CAPSL: variants seen among roughly 807,000 people sequenced by gnomAD.
CAPSL encodes calcyphosine like, also known as calcyphosin-like protein.
Under a neutral mutation model 21.3 loss-of-function variants are expected in CAPSL, and 17 were observed. The observed-to-expected ratio is 0.80, with a 90% confidence interval of 0.55 to 1.20. The LOEUF (loss-of-function observed/expected upper bound fraction) is 1.20, where lower values mean the gene tolerates loss of function less well. CAPSL is among the 50% of genes most tolerant of loss of function. CAPSL has a pLI of 0.00. For synonymous variants in CAPSL, 102 were observed against 89.3 expected (o/e 1.14, Z -0.80); for missense variants, 289 against 259.3 (o/e 1.11, Z -0.79).
chr5:35,920,979 C>A lies in CAPSL; in HGVS notation c.137+5G>T, dbSNP rs780613084. 1 of 1,613,494 alleles carries A rather than the reference C, an allele frequency of 6.2e-7. No individual in the cohort carries two copies. The highest frequency in any genetic ancestry group is 1.1e-5 in the South Asian group (1 of 91,018). On this transcript the variant is annotated splice_donor_5th_base_variant and intron_variant, in intron 2 of 4. Transcript: ENST00000651391. ...CATTCCCTGCCACTTGTAGCTGGGT[C>A]CTACCTGCCAAGTCCTTTGATCCCA...
intron 4 of CAPSL, among the ~76,000 whole-genome samples, chr5:35,907,930 A>G (rs1760715954): frequency 1.3e-5 from 2 of 152,238 alleles, no homozygotes; most frequent in Admixed American, 6.5e-5. Flanking sequence ...TTTCTTGTGC[A>G]TTTAAAATAC....
rs537048767 is a variant in CAPSL, at chr5:35,904,468, G to A, written c.*77C>T. 2.3e-5 allele frequency: 24 copies of A among 1,062,356 alleles called. No individual in the cohort carries two copies. The highest frequency in any genetic ancestry group is 1.4e-4 in the South Asian group (10 of 72,896). 65.8% of individuals were successfully genotyped at this position (1,062,356 alleles called of 1,614,324 possible). ...TTAGGATGAGTGTGAAATCAAATAC[G>A]ATTCTGGTTTTTGAGCTGACATTTA... On this transcript the variant is annotated 3_prime_UTR_variant, in exon 5 of 5. Coordinates refer to ENST00000651391, the MANE Select transcript of CAPSL (RefSeq NM_001042625.2).
chr5:35,926,075 C>CAA (rs34711454), intron 1 of CAPSL, among the ~76,000 whole-genome samples: 21 of 102,866 alleles, frequency 2.0e-4, no homozygotes, highest in East Asian at 1.9e-3. Context: ...GACTCCGTCT[C>CAA]AAAAAAAAAA....
At chr5:35,932,760 G>A (rs1377841925) in intron 1 of CAPSL, among the ~76,000 whole-genome samples, 1 of 152,156 alleles carries the variant, frequency 6.6e-6, no homozygotes, top group East Asian at 1.9e-4. Flanking sequence ...GGAGCAACCG[G>A]ATCACTCTGA....
chr5:35,927,207 C>T (rs75159651), intron 1 of CAPSL, among the ~76,000 whole-genome samples: 4,865 of 152,270 alleles, frequency 0.032, 140 homozygotes, highest in Non-Finnish European at 0.047. Context: ...TTGAGGAAGT[C>T]CTGCAGGTCC....
rs141593491 is a variant in CAPSL, at chr5:35,910,672, A to G, written c.138-129T>C. 778 of 655,438 alleles carry G rather than the reference A, an allele frequency of 1.2e-3. 11 individuals carry two copies. The East Asian group carries it at 0.02, about 17-fold the overall frequency. 40.6% of individuals were successfully genotyped at this position (655,438 alleles called of 1,614,324 possible). ...ACAAAAGTCTTAAATTCTTCTCTGC[A>G]CCCTCCTTTCCAAAACTGGAGAGCC... On this transcript the variant is annotated intron_variant, in intron 2 of 4. Transcript: ENST00000651391.
intron 2 of CAPSL, among the ~76,000 whole-genome samples, chr5:35,915,171 A>C (rs1738340208): frequency 6.6e-6 from 1 of 152,228 alleles, no homozygotes; most frequent in African/African-American, 2.4e-5. Flanking sequence ...AAGAAGTTGA[A>C]TCTCTGAATA....
intron 2 of CAPSL, among the ~76,000 whole-genome samples, chr5:35,915,327 A>G (rs1738348612): frequency 6.6e-6 from 1 of 152,238 alleles, no homozygotes; most frequent in African/African-American, 2.4e-5. Context: ...TCCAGTCAAT[A>G]GAAAAAGAGG....
intron 1 of CAPSL, among the ~76,000 whole-genome samples, chr5:35,924,827 C>G (rs569155122): frequency 2.6e-5 from 4 of 152,266 alleles, no homozygotes; most frequent in African/African-American, 9.6e-5. Context: ...AGCACCGGGG[C>G]TTTTAAGGAA....
intron 2 of CAPSL, among the ~76,000 whole-genome samples, chr5:35,915,840 A>G (rs1322409135): frequency 1.3e-5 from 2 of 152,184 alleles, no homozygotes; most frequent in African/African-American, 4.8e-5. Context: ...CCTATTCAAC[A>G]TAGTGTTGGA....
chr5:35,915,838 A>G (rs1011394298), intron 2 of CAPSL, among the ~76,000 whole-genome samples: 6 of 152,216 alleles, frequency 3.9e-5, no homozygotes, highest in Non-Finnish European at 5.9e-5. Context: ...CTCCTATTCA[A>G]CATAGTGTTG....
chr5:35,926,252 T>C (rs1381768829), intron 1 of CAPSL, among the ~76,000 whole-genome samples: 1 of 152,064 alleles, frequency 6.6e-6, no homozygotes, highest in East Asian at 1.9e-4. Flanking sequence ...TGGCAGAACG[T>C]GCAGTTTGAG....
chr5:35,911,891 A>G (rs1738233045), intron 2 of CAPSL, among the ~76,000 whole-genome samples: 1 of 152,110 alleles, frequency 6.6e-6, no homozygotes, highest in South Asian at 2.1e-4. Context: ...CACACCAAGC[A>G]TGAGCTGAAG....
rs1439741462 is a variant in CAPSL, at chr5:35,914,337, C to G, written c.138-3794G>C. Among the ~76,000 whole-genome samples the G allele has an allele frequency of 7.2e-5, 11 of 152,148 alleles. No homozygotes were observed. In the South Asian group the frequency reaches 2.3e-3, roughly 32 times the overall value. ...TTAACAAAGATATCCAGGAATTGAA[C>G]TAAGTTCTGCACCAAGCGGACCTAA... On this transcript the variant is annotated intron_variant, in intron 2 of 4. Coordinates refer to ENST00000651391, the MANE Select transcript of CAPSL (RefSeq NM_001042625.2).
At chr5:35,920,963 C>A (rs369193922) in intron 2 of CAPSL, 21 bp downstream of exon 2, 12 of 1,611,422 alleles carry the variant, frequency 7.4e-6, no homozygotes, top group Middle Eastern at 1.7e-4. Context: ...CCATTCCCTG[C>A]CACTTGTAGC....
chr5:35,909,968 A>G lies in CAPSL; in HGVS notation c.423T>C (p.Asn141=). 1 of 1,613,900 alleles carries G rather than the reference A, an allele frequency of 6.2e-7. No homozygotes were observed. Among genetic ancestry groups the G allele is most frequent in the East Asian group, 2.2e-5 (1 of 44,868 alleles). The change falls in exon 4 of 5, where the codon AAT becomes AAC. Residue 141 remains asparagine, a synonymous_variant. Transcript: ENST00000651391. ...ITIEDLREVY[N]AKHHPKYQNG... is the part of the protein sequence containing the mutation. ...TCTGGTACTTTGGGTGGTGTTTTGCATTATATACTTCACGAAGGTCTTCGA... is the reference window on the plus strand; with the variant it reads ...TCTGGTACTTTGGGTGGTGTTTTGCGTTATATACTTCACGAAGGTCTTCGA...
At chr5:35,930,379 A>ATGTACCATTT (rs2149932532) in intron 1 of CAPSL, among the ~76,000 whole-genome samples, 1 of 152,334 alleles carries the variant, frequency 6.6e-6, no homozygotes, top group South Asian at 2.1e-4. Flanking sequence ...TACATTTTAA[A>ATGTACCATTT]AATAATATTT....
chr5:35,927,102 TGTGCA>T (rs1738704510), intron 1 of CAPSL, among the ~76,000 whole-genome samples: 2 of 152,260 alleles, frequency 1.3e-5, no homozygotes, highest in South Asian at 4.1e-4. Context: ...CTGGCAGGGA[TGTGCA>T]GTCGCGATGG....
In CAPSL at chr5:35,904,294, C is replaced by T; in HGVS notation, c.*251G>A. 1 of 523,442 alleles carries T rather than the reference C, an allele frequency of 1.9e-6. No homozygotes were observed. The highest frequency in any genetic ancestry group is 3.4e-6 in the Non-Finnish European group (1 of 293,870). 32.4% of individuals were successfully genotyped at this position (523,442 alleles called of 1,614,324 possible). A position where few individuals can be genotyped will look rare whatever the true frequency, so the allele number is the denominator to read the frequency against. ...GCATGTATCAGCACAGCACTAGGAG[C>T]TTTACAGAGCTCATTTTATTTAAGT... On this transcript the variant is annotated 3_prime_UTR_variant, in exon 5 of 5. Coordinates refer to ENST00000651391, the MANE Select transcript of CAPSL (RefSeq NM_001042625.2).
Sources: allele counts gnomAD v4.1 joint callset (sites outside exome capture counted in the v4.1 genomes callset), GRCh38; gene constraint gnomAD v4.1.1; transcripts MANE v1.5; gene names NCBI Gene and HGNC (gene_info 2026-07-23, HGNC 2026-07-21).